PDE1C: variants seen among roughly 807,000 people sequenced by gnomAD.
PDE1C encodes phosphodiesterase 1C, also known as dual specificity calcium/calmodulin-dependent 3',5'-cyclic nucleotide phosphodiesterase 1C.
A neutral mutation model predicts 93.1 loss-of-function variants in PDE1C; 62 were observed. The observed-to-expected ratio is 0.67, with a 90% CI of 0.54 to 0.82. The LOEUF (loss-of-function observed/expected upper bound fraction) is 0.82. Ranked by LOEUF, PDE1C falls within the 40% of genes least tolerant of loss-of-function variation. PDE1C has a pLI of 0.00. For synonymous variants in PDE1C, 325 were observed against 310.1 expected (o/e 1.05, Z -0.50); for missense variants, 742 against 884.6 (o/e 0.84, Z 2.04).
chr7:31,631,289 C>T, the PDE1C span, among the ~76,000 whole-genome samples: 2 of 152,044 alleles, frequency 1.3e-5, no homozygotes, highest in Non-Finnish European at 2.9e-5. Flanking sequence ...CATATGCGTG[C>T]GTGCACACAC....
the PDE1C span, among the ~76,000 whole-genome samples, chr7:31,625,515 T>C: frequency 2.6e-5 from 4 of 152,176 alleles, no homozygotes; most frequent in South Asian, 2.1e-4. Flanking sequence ...AATAAACTAT[T>C]GCAAGAACAA....
chr7:32,298,683 G>A, exon 1 of PDE1C: 1 of 1,607,958 alleles, frequency 6.2e-7, no homozygotes, highest in South Asian at 1.1e-5. Context: ...GATGCTGAAA[G>A]TGGCGCTCCG....
chr7:32,091,410 C>T (rs1385030590), intron 3 of PDE1C, among the ~76,000 whole-genome samples: 1 of 152,112 alleles, frequency 6.6e-6, no homozygotes, highest in Non-Finnish European at 1.5e-5. Flanking sequence ...AGGTCAGGGA[C>T]TTGGAGTATA....
At chr7:31,955,171 G>A (rs1426057229) in intron 2 of PDE1C, among the ~76,000 whole-genome samples, 1 of 152,180 alleles carries the variant, frequency 6.6e-6, no homozygotes. Context: ...CAGCCACAGT[G>A]TGATCGGATG....
At chr7:32,069,894 C>CATA (rs1795826357) in intron 1 of PDE1C, among the ~76,000 whole-genome samples, 1 of 152,148 alleles carries the variant, frequency 6.6e-6, no homozygotes, top group Non-Finnish European at 1.5e-5. Context: ...AGTTCTTGGA[C>CATA]CACCTGCCCA....
chr7:31,920,691 A>G (rs938030844), intron 2 of PDE1C, among the ~76,000 whole-genome samples: 1 of 152,224 alleles, frequency 6.6e-6, no homozygotes, highest in African/African-American at 2.4e-5. Flanking sequence ...ATTAATTAAA[A>G]GATCCTTTCC....
At chr7:32,324,186 G>A (rs1783356007) in intron 1 of PDE1C, among the ~76,000 whole-genome samples, 1 of 152,154 alleles carries the variant, frequency 6.6e-6, no homozygotes, top group African/African-American at 2.4e-5. Context: ...TTAACTTATT[G>A]TCTATAGTGG....
intron 2 of PDE1C, among the ~76,000 whole-genome samples, chr7:32,040,424 C>T (rs942758986): frequency 1.3e-5 from 2 of 152,048 alleles, no homozygotes; most frequent in Non-Finnish European, 2.9e-5. Flanking sequence ...CACTTGATAC[C>T]AGTAATATAC....
chr7:32,208,408 T>C (rs905079902), intron 2 of PDE1C, among the ~76,000 whole-genome samples: 2 of 152,058 alleles, frequency 1.3e-5, no homozygotes, highest in East Asian at 3.9e-4. Flanking sequence ...CATTTTTGAC[T>C]GACCTGGAAA....
intron 2 of PDE1C, among the ~76,000 whole-genome samples, chr7:31,948,652 T>C (rs186219083): frequency 6.6e-6 from 1 of 152,168 alleles, no homozygotes; most frequent in Non-Finnish European, 1.5e-5. Flanking sequence ...ATCTTACTTA[T>C]CTTTTTGCGG....
intron 2 of PDE1C, among the ~76,000 whole-genome samples, chr7:32,004,501 G>A (rs138931604): frequency 6.0e-4 from 92 of 152,290 alleles, no homozygotes; most frequent in African/African-American, 2.0e-3. Context: ...CCCAAGCTCC[G>A]CTAGTCCAAG....
chr7:31,966,006 G>A (rs145777432), intron 2 of PDE1C, among the ~76,000 whole-genome samples: 1,634 of 152,260 alleles, frequency 0.011, 28 homozygotes, highest in African/African-American at 0.038. Context: ...GCAAAAACAT[G>A]CCAAATTGTA....
the PDE1C span, among the ~76,000 whole-genome samples, chr7:31,711,898 C>A: frequency 6.6e-6 from 1 of 152,184 alleles, no homozygotes; most frequent in Non-Finnish European, 1.5e-5. Context: ...GCTTTGGATT[C>A]CAGTGACACT....
the PDE1C span, among the ~76,000 whole-genome samples, chr7:31,623,209 A>C: frequency 6.6e-6 from 1 of 152,176 alleles, no homozygotes; most frequent in African/African-American, 2.4e-5. Flanking sequence ...TTCTGAAACT[A>C]TTCCAATCAA....
intron 3 of PDE1C, among the ~76,000 whole-genome samples, chr7:32,093,527 A>G (rs896388020): frequency 6.6e-6 from 1 of 152,194 alleles, no homozygotes; most frequent in South Asian, 2.1e-4. Context: ...ATAAGATTCA[A>G]CTGCTTAGAA....
At chr7:31,996,462 T>G (rs1045515339) in intron 2 of PDE1C, among the ~76,000 whole-genome samples, 2 of 152,200 alleles carry the variant, frequency 1.3e-5, no homozygotes, top group Admixed American at 6.5e-5. Context: ...AAAGGGAAAG[T>G]GTCTTTTGGA....
At chr7:32,295,478 C>T (rs2128899364) in intron 1 of PDE1C, among the ~76,000 whole-genome samples, 2 of 152,294 alleles carry the variant, frequency 1.3e-5, no homozygotes, top group Middle Eastern at 3.4e-3. Context: ...CGAAACATTG[C>T]TGGTGGGAGT....
chr7:31,826,003 T>C (rs1789613517), intron 12 of PDE1C, among the ~76,000 whole-genome samples: 1 of 152,014 alleles, frequency 6.6e-6, no homozygotes, highest in African/African-American at 2.4e-5. Context: ...TGTATAGTGA[T>C]AGAGAGATGG....
intron 2 of PDE1C, among the ~76,000 whole-genome samples, chr7:31,966,869 T>C (rs1563114974): frequency 6.6e-6 from 1 of 152,110 alleles, no homozygotes; most frequent in Non-Finnish European, 1.5e-5. Flanking sequence ...ACTGGGTACA[T>C]AATGAAATGA....
Sources: gnomAD v4.1 joint callset for allele counts (sites outside exome capture counted in the v4.1 genomes callset) on GRCh38, gnomAD v4.1.1 for gene constraint, MANE v1.5 for transcripts, NCBI Gene and HGNC (gene_info 2026-07-23, HGNC 2026-07-21) for gene names.